TIAM2: variants seen among roughly 807,000 people sequenced by gnomAD.
TIAM2 encodes the protein TIAM Rac1 associated GEF 2.
A neutral mutation model predicts 152.9 loss-of-function variants in TIAM2; 80 were observed. That is an observed-to-expected ratio of 0.52 (90% CI 0.44 to 0.63). The LOEUF (loss-of-function observed/expected upper bound fraction) is 0.63, where lower values mean the gene tolerates loss of function less well. TIAM2 is among the 30% of genes least tolerant of loss of function. The probability of loss-of-function intolerance (pLI) is 0.00; values close to 1 mark genes in which losing one functional copy is unlikely to be tolerated. For missense variants in TIAM2, 1,965 were observed against 2,120.1 expected, an observed-to-expected ratio of 0.93 and a Z score of 1.44; for synonymous variants, 804 against 838.0, an observed-to-expected ratio of 0.96 and a Z score of 0.70.
chr6:155,257,185 A>G lies in TIAM2; in HGVS notation c.*64A>G, dbSNP rs1784109601. ...ACTTTTAAACTGGTGGTAAAGTGGA[A>G]ATTGCAAAAAAAAAAAAAAAAAAAA... On this transcript the variant is annotated 3_prime_UTR_variant, in exon 27 of 27. Coordinates refer to ENST00000682666, the MANE Select transcript of TIAM2 (RefSeq NM_012454.4). 8.9e-7 allele frequency: 1 copy of G among 1,119,412 alleles called. No individual in the cohort carries two copies. Among genetic ancestry groups the G allele is most frequent in the African/African-American group, 1.9e-5 (1 of 53,954 alleles). The allele number at this position is 1,119,412 out of a possible 1,614,324, so 69.3% of individuals were successfully genotyped here.
intron 4 of TIAM2, among the ~76,000 whole-genome samples, chr6:155,133,320 C>T (rs758094304): frequency 5.9e-5 from 9 of 152,178 alleles, no homozygotes; most frequent in Non-Finnish European, 1.2e-4. Flanking sequence ...GCACTCCAGC[C>T]TGGGCAACAG....
At chr6:155,140,614 G>T (rs1000489552) in intron 5 of TIAM2, among the ~76,000 whole-genome samples, 3 of 145,044 alleles carry the variant, frequency 2.1e-5, no homozygotes, top group Non-Finnish European at 4.5e-5. Context: ...GAGAGAGAGA[G>T]AGAATATACC....
At position 155,130,321 on chromosome 6, in the gene TIAM2, T is replaced by C; in HGVS notation, c.1098T>C (p.Phe366=). 6.2e-7 allele frequency: 1 copy of C among 1,614,106 alleles called. No individual in the cohort carries two copies. Among genetic ancestry groups the C allele is most frequent in the Non-Finnish European group, 8.5e-7 (1 of 1,180,030 alleles). ...FTLPCRKPKA[F]VEDTAKKDSL... is the part of the protein sequence containing the mutation. Reference sequence around the variant, plus strand: ...TCCCCTGTCGGAAGCCCAAAGCCTTTGTTGAGGATACTGCGAAGAAGGACT... The same window carrying C: ...TCCCCTGTCGGAAGCCCAAAGCCTTCGTTGAGGATACTGCGAAGAAGGACT... Residue 366 remains phenylalanine, a synonymous_variant, in exon 4 of 27, where the codon TTT becomes TTC. Transcript: ENST00000682666.
chr6:155,116,226 TG>T (rs1779007903), intron 2 of TIAM2, among the ~76,000 whole-genome samples: 1 of 152,228 alleles, frequency 6.6e-6, no homozygotes. Flanking sequence ...ATATATATGT[TG>T]TTTTTTTTCC....
chr6:155,061,270 G>A (rs924485303), intron 1 of TIAM2, among the ~76,000 whole-genome samples: 3 of 146,840 alleles, frequency 2.0e-5, no homozygotes, highest in Non-Finnish European at 4.4e-5. Context: ...TTATATTTCT[G>A]TATCTATCTG....
intron 1 of TIAM2, among the ~76,000 whole-genome samples, chr6:155,017,930 TGTG>T (rs1394515212): frequency 1.3e-5 from 2 of 152,204 alleles, no homozygotes; most frequent in African/African-American, 4.8e-5. Context: ...CACTTTGAAA[TGTG>T]GTCACCACCA....
intron 12 of TIAM2, among the ~76,000 whole-genome samples, chr6:155,181,918 C>T (rs1780911489): frequency 6.6e-6 from 1 of 152,212 alleles, no homozygotes; most frequent in South Asian, 2.1e-4. Flanking sequence ...GCTTATCCAT[C>T]CGTCTATTGA....
rs1008490965 is a variant in TIAM2, at chr6:155,047,397, C to T, written c.-208-42892C>T. ...GTTTTGCCATGTTGGTCAGGCTGGTCTCGAACTCCTGACCTCAAGTGATCC... is the reference window on the plus strand; with the variant it reads ...GTTTTGCCATGTTGGTCAGGCTGGTTTCGAACTCCTGACCTCAAGTGATCC... On this transcript the variant is annotated intron_variant, in intron 1 of 26. Coordinates refer to ENST00000682666, the MANE Select transcript of TIAM2 (RefSeq NM_012454.4). Among the ~76,000 whole-genome samples the T allele has an allele frequency of 2.6e-5, 4 of 152,142 alleles. No individual in the cohort carries two copies. The South Asian group carries it at 8.3e-4, about 32-fold the overall frequency.
At position 155,159,466 on chromosome 6, in the gene TIAM2, C is replaced by T. The variant is rs1019495074; in HGVS notation, c.2029-4949C>T. Among the ~76,000 whole-genome samples, 3 of 152,270 alleles carry T rather than the reference C, an allele frequency of 2.0e-5. No individual in the cohort carries two copies. The East Asian group carries it at 5.8e-4, about 29-fold the overall frequency. On this transcript the variant is annotated intron_variant, in intron 7 of 26. Coordinates refer to ENST00000682666, the MANE Select transcript of TIAM2 (RefSeq NM_012454.4). ...GTTCACATCAGAATCGGCTTTGGGT[C>T]TGCTAGTCTGGTAGGGTGAGCTTTT... is the stretch of plus-strand genomic sequence containing the variant.
intron 14 of TIAM2, among the ~76,000 whole-genome samples, chr6:155,205,176 A>G (rs952818413): frequency 9.8e-6 from 1 of 101,698 alleles, no homozygotes; most frequent in African/African-American, 4.1e-5. Context: ...TACCATTATT[A>G]ATTTCTAAAA....
intron 14 of TIAM2, among the ~76,000 whole-genome samples, chr6:155,185,465 G>A (rs1781020323): frequency 6.6e-6 from 1 of 151,144 alleles, no homozygotes; most frequent in Non-Finnish European, 1.5e-5. Flanking sequence ...TAAATAGTAA[G>A]GATCAAGCAG....
At chr6:155,155,578 G>A (rs1350337348) in intron 7 of TIAM2, among the ~76,000 whole-genome samples, 1 of 152,222 alleles carries the variant, frequency 6.6e-6, no homozygotes, top group Non-Finnish European at 1.5e-5. Context: ...GGGTTCCAGT[G>A]ATTCTCCTGC....
rs118131324 is a variant in TIAM2 at position 155,030,333 on chromosome 6, C to T, written c.-209+34841C>T. 2.4e-3 allele frequency among the ~76,000 whole-genome samples: 363 copies of T among 152,176 alleles called. 3 individuals carry two copies. The East Asian group carries it at 0.025, about 10-fold the overall frequency. ...TTTTTCCTAGAAAACAAGGAAATGA[C>T]GTAGGTTGTTACAATTGAACTGCCT... On this transcript the variant is annotated intron_variant, in intron 1 of 26. Transcript: ENST00000682666.
intron 2 of TIAM2, among the ~76,000 whole-genome samples, chr6:155,117,345 T>C (rs1299728732): frequency 6.6e-6 from 1 of 152,180 alleles, no homozygotes; most frequent in Admixed American, 6.5e-5. Context: ...GCCGGGCCAC[T>C]GAATTTACTT....
chr6:155,092,881 A>G (rs1385995666), intron 2 of TIAM2, among the ~76,000 whole-genome samples: 2 of 152,194 alleles, frequency 1.3e-5, no homozygotes, highest in Non-Finnish European at 2.9e-5. Context: ...ATATTTATAT[A>G]TTTGGGTAGT....
At chr6:155,148,869 A>G (rs1779880700) in intron 7 of TIAM2, among the ~76,000 whole-genome samples, 1 of 152,146 alleles carries the variant, frequency 6.6e-6, no homozygotes, top group African/African-American at 2.4e-5. Flanking sequence ...TTCCTATGGC[A>G]TTTGCATTTT....
chr6:155,252,505 T>C (rs1287414670), intron 23 of TIAM2, among the ~76,000 whole-genome samples: 1 of 152,094 alleles, frequency 6.6e-6, no homozygotes, highest in African/African-American at 2.4e-5. Flanking sequence ...AGATAAATAC[T>C]CATATGGGGG....
rs138740409 is a variant in TIAM2, at chr6:155,129,446, G to T, written c.223G>T (p.Ala75Ser). Reference sequence around the variant, plus strand: ...TCACTTTAAGAGTAACCAGCCTTACGCATCGAGACTCGGTGGCCCCACATG... The same window carrying T: ...TCACTTTAAGAGTAACCAGCCTTACTCATCGAGACTCGGTGGCCCCACATG... ...LSHFKSNQPY[A>S]SRLGGPTCKV... The change falls in exon 4 of 27, where the codon GCA (alanine) becomes TCA (serine). Residue 75 changes from alanine to serine, a missense_variant. This residue lies in a region of TIAM2 where 1,025 missense variants were observed against 1,119.4 expected (regional missense o/e 0.92). Transcript: ENST00000682666. The surrounding 1 kb of genome is among the most constrained non-coding windows in gnomAD (Gnocchi z 4.8). 8 of 1,614,070 alleles carry T rather than the reference G, an allele frequency of 5.0e-6. No homozygotes were observed. The highest frequency in any genetic ancestry group is 1.7e-5 in the Admixed American group (1 of 60,014).
At position 155,174,812 on chromosome 6, in the gene TIAM2, A is replaced by T. The variant is rs899869735; in HGVS notation, c.2362-2004A>T. Reference sequence around the variant, plus strand: ...TCCTGATCTCCAAAAGTGCAGCAGTAAATTAATTGCTCTGTCACCCTCAGT... The same window carrying T: ...TCCTGATCTCCAAAAGTGCAGCAGTTAATTAATTGCTCTGTCACCCTCAGT... On this transcript the variant is annotated intron_variant, in intron 9 of 26. Transcript: ENST00000682666. This position sits in a 1 kb window ranked among gnomAD's most constrained non-coding sequence, Gnocchi z 4.2. Among the ~76,000 whole-genome samples the T allele has an allele frequency of 6.6e-6, 1 of 152,214 alleles. No individual in the cohort carries two copies. The highest frequency in any genetic ancestry group is 2.4e-5 in the African/African-American group (1 of 41,456).
Sources: gnomAD v4.1 joint callset for allele counts (sites outside exome capture counted in the v4.1 genomes callset) on GRCh38, gnomAD v4.1.1 for gene constraint, gnomAD v4.1.1 regional missense constraint, Gnocchi (gnomAD v3.1) non-coding constraint, MANE v1.5 for transcripts, NCBI Gene and HGNC (gene_info 2026-07-23, HGNC 2026-07-21) for gene names.